TRAIP: variants seen among roughly 807,000 people sequenced by gnomAD.
TRAIP encodes TRAF interacting protein, also known as E3 ubiquitin-protein ligase TRAIP.
In TRAIP, 37 loss-of-function variants were observed where a neutral mutation model predicts 65.0. That is an observed-to-expected ratio of 0.57 (90% CI 0.44 to 0.75). The LOEUF (loss-of-function observed/expected upper bound fraction) is 0.75, where lower values mean the gene tolerates loss of function less well. Ranked by LOEUF, TRAIP falls within the 30% of genes least tolerant of loss-of-function variation. TRAIP has a pLI of 0.00. For synonymous variants in TRAIP, 187 were observed against 219.1 expected, an observed-to-expected ratio of 0.85 and a Z score of 1.29; for missense variants, 481 against 579.4, an observed-to-expected ratio of 0.83 and a Z score of 1.74.
chr3:49,856,074 C>T (rs1354722040), intron 1 of TRAIP, among the ~76,000 whole-genome samples: 1 of 152,198 alleles, frequency 6.6e-6, no homozygotes, highest in Non-Finnish European at 1.5e-5. Context: ...CCCAGGCTAA[C>T]GGTTTTGAAA....
rs2108308256 is a variant in TRAIP, at chr3:49,829,629, G to A, written c.1224C>T (p.Cys408=). The A allele has an allele frequency of 6.2e-7, 1 of 1,614,194 alleles. No individual in the cohort carries two copies. The highest frequency in any genetic ancestry group is 8.5e-7 in the Non-Finnish European group (1 of 1,180,020). The change falls in exon 13 of 15, where the codon TGC becomes TGT. Residue 408 remains cysteine (C), a synonymous_variant. Coordinates refer to ENST00000331456, the MANE Select transcript of TRAIP (RefSeq NM_005879.3). ...AAGCCACACTCACCACATCTTTGCT[G>A]CAAGAGGACTCTGACCTGGGCCTCT... ...QPKRPRSESS[C]SKDVVRTGFD...
chr3:49,840,908 C>T lies in TRAIP; in HGVS notation c.705+77G>A, dbSNP rs1313861925. 5 of 1,391,150 alleles carry T rather than the reference C, an allele frequency of 3.6e-6. No homozygotes were observed. The African/African-American group carries it at 5.7e-5, about 16-fold the overall frequency. The allele number at this position is 1,391,150 out of a possible 1,614,324, so 86.2% of individuals were successfully genotyped here. Reference sequence around the variant, plus strand: ...TCAGCTGTGCCATCAGGTCCCATGGCCTTGCTCAGGAGACCAGAGTGAACA... The same window carrying T: ...TCAGCTGTGCCATCAGGTCCCATGGTCTTGCTCAGGAGACCAGAGTGAACA... On this transcript the variant is annotated intron_variant, in intron 8 of 14. Coordinates refer to ENST00000331456, the MANE Select transcript of TRAIP (RefSeq NM_005879.3).
chr3:49,831,220 G>T (rs1194823868), intron 11 of TRAIP, among the ~76,000 whole-genome samples: 1 of 152,204 alleles, frequency 6.6e-6, no homozygotes, highest in Non-Finnish European at 1.5e-5. Context: ...CCACTGTCTA[G>T]CATCTCAGTT....
At chr3:49,841,616 C>T (rs943270617) in intron 7 of TRAIP, among the ~76,000 whole-genome samples, 2 of 152,264 alleles carry the variant, frequency 1.3e-5, no homozygotes, top group Non-Finnish European at 2.9e-5. Context: ...ACTACTATTT[C>T]CATTCAGGAA....
intron 9 of TRAIP, 125 bp downstream of exon 9, chr3:49,840,159 G>T: frequency 1.1e-6 from 1 of 889,214 alleles, no homozygotes. Context: ...CCTGACCCAG[G>T]AGGATGCAGG....
intron 3 of TRAIP, among the ~76,000 whole-genome samples, chr3:49,846,828 C>T (rs9819511): frequency 0.27 from 41,467 of 152,008 alleles, 5,876 homozygotes; most frequent in Non-Finnish European, 0.31. Context: ...TGCTCGAGCC[C>T]AAGAGTTCAA....
chr3:49,849,141 A>G (rs1343711545), intron 1 of TRAIP, among the ~76,000 whole-genome samples: 1 of 152,070 alleles, frequency 6.6e-6, no homozygotes, highest in East Asian at 1.9e-4. Context: ...CACCATACCC[A>G]GCCATAAAAT....
At chr3:49,845,195 C>G (rs1478289949) in intron 3 of TRAIP, among the ~76,000 whole-genome samples, 1 of 152,200 alleles carries the variant, frequency 6.6e-6, no homozygotes, top group Non-Finnish European at 1.5e-5. Context: ...TCAAGTGAGC[C>G]TCTCAAAGCC....
intron 10 of TRAIP, among the ~76,000 whole-genome samples, chr3:49,837,809 T>C (rs2108313770): frequency 6.6e-6 from 1 of 151,998 alleles, no homozygotes; most frequent in African/African-American, 2.4e-5. Context: ...CTCGAACTCC[T>C]GACCTCAGGT....
rs146175744 is a variant in TRAIP at position 49,847,419 on chromosome 3, A to AAAGAGAAGAGAAGAGAAGAGAAGAG, written c.240+81_240+105dup. The AAAGAGAAGAGAAGAGAAGAGAAGAG allele has an allele frequency of 1.4e-4, 103 of 746,144 alleles. No homozygotes were observed. The African/African-American group carries it at 1.7e-3, about 12-fold the overall frequency. 46.2% of individuals were successfully genotyped at this position (746,144 alleles called of 1,614,324 possible). On this transcript the variant is annotated intron_variant, in intron 3 of 14. Coordinates refer to ENST00000331456, the MANE Select transcript of TRAIP (RefSeq NM_005879.3). ...AGAAAAGAAAAGAAAAGAAAAGAGA[A>AAAGAGAAGAGAAGAGAAGAGAAGAG]AAGAGAAGAGAAGAGAAGAGAAGAG...
intron 5 of TRAIP, among the ~76,000 whole-genome samples, chr3:49,842,821 T>C (rs1345740366): frequency 6.6e-6 from 1 of 152,164 alleles, no homozygotes; most frequent in Non-Finnish European, 1.5e-5. Flanking sequence ...TGCCAGCATT[T>C]ACAGGCCCAC....
chr3:49,847,703 G>T, intron 2 of TRAIP, 95 bp from the exon 3 acceptor site: 2 of 793,868 alleles, frequency 2.5e-6, no homozygotes. Flanking sequence ...TGCCTGACAT[G>T]CATGTCAGGC....
chr3:49,830,001 T>G lies in TRAIP; in HGVS notation c.1086+19A>C. On this transcript the variant is annotated intron_variant, in intron 12 of 14. Coordinates refer to ENST00000331456, the MANE Select transcript of TRAIP (RefSeq NM_005879.3). ...GTCCTGCCAAAGGTTAGACTGTGCT[T>G]CTTCTAGAAAGCTCTTACCTTCCTG... 1 of 1,614,136 alleles carries G rather than the reference T, an allele frequency of 6.2e-7. No individual in the cohort carries two copies. The highest frequency in any genetic ancestry group is 8.5e-7 in the Non-Finnish European group (1 of 1,179,974).
rs1304295501 is a variant in TRAIP, at chr3:49,832,075, G to T, written c.885-7C>A. The T allele has an allele frequency of 1.3e-6, 2 of 1,576,004 alleles. No homozygotes were observed. Among genetic ancestry groups the T allele is most frequent in the African/African-American group, 2.7e-5 (2 of 73,366 alleles). ...CACCTCCACAGGGGCTGGGCTGAAG[G>T]CAGAGATGACCTGGTTACTTGGGGC... On this transcript the variant is annotated splice_region_variant and splice_polypyrimidine_tract_variant and intron_variant, in intron 10 of 14. Coordinates refer to ENST00000331456, the MANE Select transcript of TRAIP (RefSeq NM_005879.3).
chr3:49,831,295 T>C (rs1263349738), intron 11 of TRAIP, among the ~76,000 whole-genome samples: 2 of 152,252 alleles, frequency 1.3e-5, no homozygotes, highest in South Asian at 4.1e-4. Context: ...TGCCCAGCCC[T>C]TGACCAGCCT....
rs1372829477 is a variant in TRAIP at position 49,829,172 on chromosome 3, C to G, written c.1341G>C (p.Lys447Asn). ...PLPVKPKTKV[K>N]QRVRVKTVPS... ...GCACTGTCTTCACCCTCACCCTCTG[C>G]TTAACCTTGGTCTTGGGCTTAACAG... The change falls in exon 15 of 15, where the codon AAG becomes AAC. Residue 447 changes from lysine to asparagine, a missense_variant. By Grantham distance (94) the Lys-to-Asn change is moderately conservative. Transcript: ENST00000331456. The G allele has an allele frequency of 1.9e-6, 3 of 1,614,124 alleles. No individual in the cohort carries two copies. The highest frequency in any genetic ancestry group is 1.3e-5 in the African/African-American group (1 of 74,942).
chr3:49,848,308 C>A, intron 1 of TRAIP, 108 bp from the exon 2 acceptor site: 1 of 1,160,314 alleles, frequency 8.6e-7, no homozygotes, highest in Non-Finnish European at 1.3e-6. Context: ...CTCCTTGACC[C>A]AATGCCTGCC....
intron 8 of TRAIP, chr3:49,840,577 C>A (rs1159959508): frequency 3.4e-6 from 2 of 582,086 alleles, no homozygotes; most frequent in East Asian, 5.6e-5. Context: ...CTACATCCTG[C>A]AGCCTGTGGA....
chr3:49,845,499 A>G (rs896041776), intron 3 of TRAIP, among the ~76,000 whole-genome samples: 2 of 152,246 alleles, frequency 1.3e-5, no homozygotes, highest in Non-Finnish European at 2.9e-5. Context: ...TGGGTAAACA[A>G]GCCCCTACTG....
Sources: allele counts gnomAD v4.1 joint callset (sites outside exome capture counted in the v4.1 genomes callset), GRCh38; gene constraint gnomAD v4.1.1; transcripts MANE v1.5; gene names NCBI Gene and HGNC (gene_info 2026-07-23, HGNC 2026-07-21).